LRRC53: variants seen among roughly 807,000 people sequenced by gnomAD.
LRRC53 encodes the protein leucine rich repeat containing 53, also known as leucine-rich repeat-containing protein 53.
A neutral mutation model predicts 13.6 loss-of-function variants in LRRC53; 25 were observed. The observed-to-expected ratio is 1.83, with a 90% CI of 1.34 to 2.56. The LOEUF (loss-of-function observed/expected upper bound fraction) is 2.56, where lower values mean the gene tolerates loss of function less well. Among genes scored for constraint, LRRC53 ranks in the 30% most tolerant of loss-of-function variants. LRRC53 has a pLI of 0.00. For synonymous variants in LRRC53, 204 were observed against 109.8 expected (o/e 1.86, Z -5.37); for missense variants, 527 against 275.8 (o/e 1.91, Z -6.45).
upstream of LRRC53, among the ~76,000 whole-genome samples, chr1:74,513,581 T>A (rs1464909331): frequency 6.6e-6 from 1 of 152,214 alleles, no homozygotes; most frequent in Non-Finnish European, 1.5e-5. Context: ...CAAATCTGCT[T>A]CATCCAGAGG....
At chr1:74,515,492 G>A (rs1646336693), upstream of LRRC53, among the ~76,000 whole-genome samples, 1 of 152,188 alleles carries the variant, frequency 6.6e-6, no homozygotes, top group African/African-American at 2.4e-5. Context: ...AGGAAAGGGT[G>A]TGCTATTTGA....
At chr1:74,473,260 T>G (rs1668026767) in intron 4 of LRRC53, among the ~76,000 whole-genome samples, 1 of 152,130 alleles carries the variant, frequency 6.6e-6, no homozygotes, top group Admixed American at 6.6e-5. Flanking sequence ...GAATGAGCTT[T>G]AAAGAAGTTG....
the LRRC53 span, among the ~76,000 whole-genome samples, chr1:74,526,742 A>T: frequency 6.6e-6 from 1 of 152,224 alleles, no homozygotes; most frequent in Non-Finnish European, 1.5e-5. Context: ...TCCTACATTC[A>T]CTGAGATATC....
Position 74,480,324 on chromosome 1 carries a change from C to T in LRRC53, c.733G>A (p.Asp245Asn), listed in dbSNP as rs1363077115. 4 of 717,622 alleles carry T rather than the reference C, an allele frequency of 5.6e-6. No homozygotes were observed. The highest frequency in any genetic ancestry group is 7.8e-6 in the Non-Finnish European group (3 of 385,174). 44.5% of individuals were successfully genotyped at this position (717,622 alleles called of 1,614,324 possible). The change falls in exon 3 of 5, where the codon GAC (aspartate) becomes AAC (asparagine). Residue 245 changes from aspartate to asparagine, a missense_variant. Asp to Asn is a conservative substitution (Grantham distance 23). Coordinates refer to ENST00000294635, the MANE Select transcript of LRRC53 (RefSeq NM_001382280.1). ...SSAHTLRNAKDLNCQPSTAAV... is the reference protein window; with the variant it reads ...SSAHTLRNAKNLNCQPSTAAV... ...GCGGTAGATGGCTGGCAATTTAGGTCCTTGGCATTCCTGAGCGTGTGAGCA... is the reference window on the plus strand; with the variant it reads ...GCGGTAGATGGCTGGCAATTTAGGTTCTTGGCATTCCTGAGCGTGTGAGCA...
chr1:74,529,138 T>C, the LRRC53 span, among the ~76,000 whole-genome samples: 3 of 152,228 alleles, frequency 2.0e-5, no homozygotes, highest in Non-Finnish European at 2.9e-5. Flanking sequence ...AATATTTATA[T>C]AGTCTCAAAA....
chr1:74,531,310 G>A, the LRRC53 span, among the ~76,000 whole-genome samples: 1 of 152,190 alleles, frequency 6.6e-6, no homozygotes, highest in African/African-American at 2.4e-5. Flanking sequence ...AAAACAGCCA[G>A]GATGAAACCA....
intron 1 of LRRC53, among the ~76,000 whole-genome samples, chr1:74,484,746 T>C (rs1389114281): frequency 6.6e-6 from 1 of 152,146 alleles, no homozygotes; most frequent in African/African-American, 2.4e-5. Flanking sequence ...CAGGTTGTTG[T>C]ATACCTTAGA....
At chr1:74,486,460 A>G (rs1207532070) in intron 1 of LRRC53, among the ~76,000 whole-genome samples, 1 of 151,460 alleles carries the variant, frequency 6.6e-6, no homozygotes, top group African/African-American at 2.4e-5. Context: ...AGTATGATAG[A>G]GTAGTCAAAC....
the LRRC53 span, among the ~76,000 whole-genome samples, chr1:74,523,000 A>C: frequency 1.3e-5 from 2 of 152,224 alleles, no homozygotes; most frequent in African/African-American, 4.8e-5. Flanking sequence ...AACCCCATGC[A>C]TTCACTACAG....
intron 1 of LRRC53, chr1:74,489,173 T>G: frequency 6.3e-7 from 1 of 1,581,118 alleles, no homozygotes; most frequent in Non-Finnish European, 8.5e-7. Flanking sequence ...AAAAAAGTTC[T>G]TTTTTCTATT....
chr1:74,481,659 C>G (rs1347164841), intron 2 of LRRC53, among the ~76,000 whole-genome samples: 1 of 152,196 alleles, frequency 6.6e-6, no homozygotes, highest in Non-Finnish European at 1.5e-5. Flanking sequence ...ACAGGTGGTA[C>G]TCAGGGCTTC....
the LRRC53 span, among the ~76,000 whole-genome samples, chr1:74,517,739 C>T: frequency 6.6e-6 from 1 of 152,150 alleles, no homozygotes; most frequent in Non-Finnish European, 1.5e-5. Context: ...GAAACTAAGA[C>T]ATCTTAGTTC....
At chr1:74,509,508 T>C (rs1402003241) in intron 1 of LRRC53, among the ~76,000 whole-genome samples, 1 of 152,214 alleles carries the variant, frequency 6.6e-6, no homozygotes, top group African/African-American at 2.4e-5. Context: ...TTAAAAATTG[T>C]CCTTTATTGT....
intron 1 of LRRC53, among the ~76,000 whole-genome samples, chr1:74,503,325 G>T (rs141347625): frequency 1.3e-5 from 2 of 151,974 alleles, no homozygotes; most frequent in African/African-American, 2.4e-5. Flanking sequence ...AACCAAAAAG[G>T]GTCTTTGGCT....
the LRRC53 span, among the ~76,000 whole-genome samples, chr1:74,530,474 C>T: frequency 7.9e-5 from 12 of 152,144 alleles, no homozygotes; most frequent in African/African-American, 2.6e-4. Flanking sequence ...GAGTCCCTGG[C>T]GCTTAGCAGG....
intron 2 of LRRC53, among the ~76,000 whole-genome samples, chr1:74,482,907 T>A (rs1668575555): frequency 6.6e-6 from 1 of 152,130 alleles, no homozygotes; most frequent in Non-Finnish European, 1.5e-5. Flanking sequence ...CAGTTCAGGT[T>A]TCTGATTCAT....
chr1:74,489,282 A>G, intron 1 of LRRC53: 2 of 1,597,462 alleles, frequency 1.3e-6, no homozygotes, highest in Non-Finnish European at 1.7e-6. Flanking sequence ...ATGTCCATAA[A>G]AAAGCCCTGC....
At position 74,470,021 on chromosome 1, in the gene LRRC53, C is replaced by A. The variant is rs1410618832; in HGVS notation, c.3601G>T (p.Gly1201Trp). The change falls in exon 5 of 5, where the codon GGG (glycine) becomes TGG (tryptophan). Residue 1201 changes from glycine to tryptophan, a missense_variant. By Grantham distance (184) the Gly-to-Trp change is radical. Coordinates refer to ENST00000294635, the MANE Select transcript of LRRC53 (RefSeq NM_001382280.1). ...ETHEALSFLP[G>W]LKDSFEAENE... The stretch of plus-strand genomic sequence containing the variant: ...TCTGCCTCAAAACTGTCTTTTAACC[C>A]TGGTAAGAAGGAAAGCGCTTCATGT... 1 of 400,598 alleles carries A rather than the reference C, an allele frequency of 2.5e-6. No homozygotes were observed. Among genetic ancestry groups the A allele is most frequent in the Non-Finnish European group, 4.4e-6 (1 of 226,176 alleles). The allele number at this position is 400,598 out of a possible 1,614,324, so 24.8% of individuals were successfully genotyped here.
intron 1 of LRRC53, among the ~76,000 whole-genome samples, chr1:74,496,851 GATTACATCATGTAAATTTAGAAATGACA>G (rs1669353193): frequency 6.6e-6 from 1 of 152,092 alleles, no homozygotes; most frequent in Non-Finnish European, 1.5e-5. Context: ...CTTGTACATG[GATTACATCATGTAAATTTAGAAATGACA>G]AACTGATACA....
Sources: allele counts gnomAD v4.1 joint callset (sites outside exome capture counted in the v4.1 genomes callset), GRCh38; gene constraint gnomAD v4.1.1; transcripts MANE v1.5; gene names NCBI Gene and HGNC (gene_info 2026-07-23, HGNC 2026-07-21).